Variants in EP300 observed in about 807,000 individuals in gnomAD.
The protein encoded by EP300 is EP300 lysine acetyltransferase, also known as histone acetyltransferase p300.
In EP300, 31 loss-of-function variants were observed where a neutral mutation model predicts 264.0. The observed-to-expected ratio is 0.12, with a 90% CI of 0.09 to 0.16. The LOEUF (loss-of-function observed/expected upper bound fraction) is 0.16, where lower values mean the gene tolerates loss of function less well. Ranked by LOEUF, EP300 falls within the 10% of genes least tolerant of loss-of-function variation. The probability of loss-of-function intolerance (pLI) is 1.00; values close to 1 mark genes in which losing one functional copy is unlikely to be tolerated. For synonymous variants in EP300, 1,340 were observed against 1,045.4 expected, an observed-to-expected ratio of 1.28 and a Z score of -5.44; for missense variants, 2,766 against 3,052.9, an observed-to-expected ratio of 0.91 and a Z score of 2.21.
rs1301899959 is a variant in EP300, at chr22:41,179,461, T to C, written c.*505T>C. 6.2e-6 allele frequency: 1 copy of C among 161,260 alleles called. No homozygotes were observed. Among genetic ancestry groups the C allele is most frequent in the African/African-American group, 2.4e-5 (1 of 40,954 alleles). The allele number at this position is 161,260 out of a possible 1,614,324, so 10.0% of individuals were successfully genotyped here. Reference sequence around the variant, plus strand: ...ATTACATTCTATATATATATAAATATATATAAATATATATTAAAATACCAG... The same window carrying C: ...ATTACATTCTATATATATATAAATACATATAAATATATATTAAAATACCAG... On this transcript the variant is annotated 3_prime_UTR_variant, in exon 31 of 31. Coordinates refer to ENST00000263253, the MANE Select transcript of EP300 (RefSeq NM_001429.4).
chr22:41,174,358 G>A (rs1171064234), intron 29 of EP300, among the ~76,000 whole-genome samples: 2 of 152,168 alleles, frequency 1.3e-5, no homozygotes, highest in African/African-American at 4.8e-5. Flanking sequence ...GAACCTGGGA[G>A]GCAGAGGTTG....
At chr22:41,124,050 C>A (rs1282911693) in intron 2 of EP300, among the ~76,000 whole-genome samples, 1 of 152,164 alleles carries the variant, frequency 6.6e-6, no homozygotes, top group Non-Finnish European at 1.5e-5. Flanking sequence ...GAGTTCAAGG[C>A]CAGCCTTGCC....
chr22:41,167,614 A>G (rs749834190), intron 23 of EP300, among the ~76,000 whole-genome samples: 34,416 of 91,794 alleles, frequency 0.37, 7,358 homozygotes, highest in East Asian at 0.56. Flanking sequence ...ATATATATAT[A>G]TATATATATA....
At chr22:41,125,777 T>G in intron 2 of EP300, 87 bp from the exon 3 acceptor site, 2 of 1,411,740 alleles carry the variant, frequency 1.4e-6, no homozygotes, top group Non-Finnish European at 2.0e-6. Flanking sequence ...AAACTGTCTT[T>G]GTGAACTTGG....
intron 2 of EP300, among the ~76,000 whole-genome samples, chr22:41,122,089 C>A (rs2058855156): frequency 6.7e-6 from 1 of 149,862 alleles, no homozygotes; most frequent in South Asian, 2.1e-4. Context: ...TTTCTGCATT[C>A]TATTGCCCCT....
In EP300 at chr22:41,178,405, C is replaced by A. The variant is rs151009770; in HGVS notation, c.6694C>A (p.Gln2232Lys). 6.2e-7 allele frequency: 1 copy of A among 1,614,146 alleles called. No homozygotes were observed. The highest frequency in any genetic ancestry group is 2.2e-5 in the East Asian group (1 of 44,878). ...QQQQRMQHHM[Q>K]QMQQGNMGQI... is the part of the protein sequence containing the mutation. ...GCAGCAGCGGATGCAGCATCACATG[C>A]AACAGATGCAACAAGGAAATATGGG... The change falls in exon 31 of 31, where the codon CAA becomes AAA. Residue 2232 changes from glutamine to lysine, a missense_variant. Transcript: ENST00000263253.
intron 1 of EP300, among the ~76,000 whole-genome samples, chr22:41,094,922 T>G (rs75844813): frequency 6.6e-6 from 1 of 152,178 alleles, no homozygotes; most frequent in Non-Finnish European, 1.5e-5. Flanking sequence ...CGGTCTGTTT[T>G]GCTACTTGAA....
At chr22:41,115,486 G>A (rs1405574800) in intron 1 of EP300, among the ~76,000 whole-genome samples, 4 of 152,136 alleles carry the variant, frequency 2.6e-5, no homozygotes, top group African/African-American at 9.7e-5. Context: ...AGGCTGGAGT[G>A]CAGTTGTGCA....
At chr22:41,172,934 G>A (rs1434468260) in intron 28 of EP300, among the ~76,000 whole-genome samples, 1 of 152,202 alleles carries the variant, frequency 6.6e-6, no homozygotes, top group Non-Finnish European at 1.5e-5. Flanking sequence ...AAAACTGATA[G>A]AAGATTACTT....
At chr22:41,144,290 G>A (rs561268912) in intron 10 of EP300, among the ~76,000 whole-genome samples, 67 of 152,148 alleles carry the variant, frequency 4.4e-4, no homozygotes, top group African/African-American at 1.5e-3. Context: ...TGCATTAAGG[G>A]CATATATATT....
intron 18 of EP300, among the ~76,000 whole-genome samples, 199 bp downstream of exon 18, chr22:41,157,607 T>A (rs774219327): frequency 1.5e-4 from 22 of 142,738 alleles, no homozygotes; most frequent in Non-Finnish European, 2.6e-4. Flanking sequence ...AGCTTCAACC[T>A]CCTGGGCTCA....
chr22:41,107,436 A>G (rs975368624), intron 1 of EP300, among the ~76,000 whole-genome samples: 1 of 148,196 alleles, frequency 6.7e-6, no homozygotes, highest in African/African-American at 2.5e-5. Flanking sequence ...AAAAAAAAAA[A>G]GTGTAACTGT....
chr22:41,096,649 G>GAGACAGAGGTTTA (rs2058704067), intron 1 of EP300, among the ~76,000 whole-genome samples: 1 of 134,978 alleles, frequency 7.4e-6, no homozygotes, highest in Non-Finnish European at 1.5e-5. Context: ...ACAGAGGTTT[G>GAGACAGAGGTTTA]CTCTCGTTGC....
At chr22:41,173,138 C>T (rs1013351568) in intron 28 of EP300, among the ~76,000 whole-genome samples, 30 of 152,296 alleles carry the variant, frequency 2.0e-4, no homozygotes, top group African/African-American at 6.3e-4. Context: ...TAGCATATCT[C>T]GAATTACCTC....
chr22:41,143,420 T>C (rs4822010), intron 10 of EP300, among the ~76,000 whole-genome samples: 92,657 of 152,084 alleles, frequency 0.61, 28,829 homozygotes, highest in East Asian at 0.81. Flanking sequence ...CCACTGCACT[T>C]AAGCCTGGAC....
intron 7 of EP300, among the ~76,000 whole-genome samples, chr22:41,136,942 C>G (rs1409641999): frequency 6.6e-6 from 1 of 152,146 alleles, no homozygotes; most frequent in South Asian, 2.1e-4. Flanking sequence ...CACCTGTAAT[C>G]CCAGCTACTC....
At chr22:41,148,030 C>T (rs1250766004) in intron 12 of EP300, 84 bp downstream of exon 12, 1 of 963,230 alleles carries the variant, frequency 1.0e-6, no homozygotes, top group South Asian at 1.6e-5. Context: ...TAAATTCTCA[C>T]AGTCATTTAA....
intron 1 of EP300, among the ~76,000 whole-genome samples, chr22:41,110,116 T>TG (rs2058780852): frequency 2.6e-5 from 1 of 38,034 alleles, no homozygotes; most frequent in Admixed American, 5.0e-4. Flanking sequence ...TCCTGTTCCC[T>TG]GCCCCCCCCC....
At chr22:41,095,155 G>GT (rs890558251) in intron 1 of EP300, among the ~76,000 whole-genome samples, 21 of 151,634 alleles carry the variant, frequency 1.4e-4, no homozygotes, top group African/African-American at 5.1e-4. Context: ...ACCAGTCTGG[G>GT]TTTGGGGGAG....
Sources: gnomAD v4.1 joint callset for allele counts (sites outside exome capture counted in the v4.1 genomes callset) on GRCh38, gnomAD v4.1.1 for gene constraint, MANE v1.5 for transcripts, NCBI Gene and HGNC (gene_info 2026-07-23, HGNC 2026-07-21) for gene names.